The following GRID2 variants were observed in gnomAD, a reference collection of about 807,000 sequenced individuals.
The protein encoded by GRID2 is glutamate receptor ionotropic, delta-2.
GRID2 carries 33 observed loss-of-function variants against 114.8 expected under a neutral mutation model. That is an observed-to-expected ratio of 0.29 (90% CI 0.22 to 0.38). GRID2 has a LOEUF of 0.38. Among genes scored for constraint, GRID2 ranks in the 10% least tolerant of loss-of-function variants. The pLI is 1.00. For missense variants in GRID2, 1,184 were observed against 1,257.7 expected (o/e 0.94, Z 0.89); for synonymous variants, 505 against 449.9 (o/e 1.12, Z -1.55).
intron 13 of GRID2, among the ~76,000 whole-genome samples, chr4:93,617,855 A>G (rs1422618073): frequency 1.3e-5 from 2 of 152,210 alleles, no homozygotes; most frequent in African/African-American, 4.8e-5. Flanking sequence ...AGTTGCCAAC[A>G]TCAGCAGTCA....
At chr4:92,326,098 T>G (rs560756801) in intron 1 of GRID2, among the ~76,000 whole-genome samples, 1 of 151,924 alleles carries the variant, frequency 6.6e-6, no homozygotes, top group South Asian at 2.1e-4. Context: ...CTCCTGGCAG[T>G]TTTACATACT....
At chr4:93,139,685 G>A (rs1260461282) in intron 4 of GRID2, among the ~76,000 whole-genome samples, 1 of 151,466 alleles carries the variant, frequency 6.6e-6, no homozygotes, top group Non-Finnish European at 1.5e-5. Flanking sequence ...ACTTAAATCA[G>A]CATCAAATAT....
intron 10 of GRID2, among the ~76,000 whole-genome samples, chr4:93,434,154 A>C (rs1423758616): frequency 6.6e-6 from 1 of 152,226 alleles, no homozygotes; most frequent in Non-Finnish European, 1.5e-5. Flanking sequence ...AAAAACAAAT[A>C]GATCTTGTTG....
At chr4:92,314,043 T>C (rs368061136) in intron 1 of GRID2, among the ~76,000 whole-genome samples, 1 of 152,148 alleles carries the variant, frequency 6.6e-6, no homozygotes, top group East Asian at 1.9e-4. Context: ...TTTCAACTTA[T>C]ATAATTCCTG....
At chr4:92,725,117 A>G (rs1238870521) in intron 2 of GRID2, among the ~76,000 whole-genome samples, 1 of 152,114 alleles carries the variant, frequency 6.6e-6, no homozygotes, top group Non-Finnish European at 1.5e-5. Flanking sequence ...TCTGGGCAAC[A>G]TGGCGAAACC....
intron 14 of GRID2, among the ~76,000 whole-genome samples, chr4:93,739,062 T>A (rs1578704103): frequency 6.6e-6 from 1 of 151,548 alleles, no homozygotes. Context: ...TGAATCTGGG[T>A]CAGTCAGGAG....
At chr4:92,328,399 A>G (rs1726704195) in intron 1 of GRID2, among the ~76,000 whole-genome samples, 1 of 152,092 alleles carries the variant, frequency 6.6e-6, no homozygotes, top group African/African-American at 2.4e-5. Flanking sequence ...ATAAACATTC[A>G]GAAGTAATCA....
intron 2 of GRID2, among the ~76,000 whole-genome samples, chr4:92,634,271 C>A (rs1705989082): frequency 6.6e-6 from 1 of 152,100 alleles, no homozygotes; most frequent in Non-Finnish European, 1.5e-5. Context: ...TTATTCTCTA[C>A]AAATTTAAAA....
intron 14 of GRID2, among the ~76,000 whole-genome samples, chr4:93,667,668 C>T (rs1408505798): frequency 6.6e-6 from 1 of 151,960 alleles, no homozygotes. Context: ...GAAAGTAGCA[C>T]TCTTTACCAA....
intron 2 of GRID2, among the ~76,000 whole-genome samples, chr4:92,910,782 T>A (rs1462249513): frequency 6.6e-6 from 1 of 152,134 alleles, no homozygotes; most frequent in African/African-American, 2.4e-5. Flanking sequence ...ATACTTTAAA[T>A]CATCTCTAGC....
At chr4:92,822,235 A>G (rs1024896012) in intron 2 of GRID2, 12 of 538,120 alleles carry the variant, frequency 2.2e-5, no homozygotes, top group African/African-American at 1.9e-4. Context: ...TTCCCACCAC[A>G]TAGCATATCA....
At chr4:93,531,747 A>G (rs1195052735) in intron 13 of GRID2, among the ~76,000 whole-genome samples, 1 of 152,146 alleles carries the variant, frequency 6.6e-6, no homozygotes, top group Non-Finnish European at 1.5e-5. Flanking sequence ...CATTACTACA[A>G]TATATATACA....
chr4:92,352,533 A>T (rs1000430481), intron 1 of GRID2, among the ~76,000 whole-genome samples: 1 of 151,810 alleles, frequency 6.6e-6, no homozygotes. Flanking sequence ...TAATCCCATC[A>T]GTCAATTTTT....
At chr4:93,787,790 C>T (rs1578795442) in intron 1 of GRID2, among the ~76,000 whole-genome samples, 3 of 152,106 alleles carry the variant, frequency 2.0e-5, no homozygotes, top group Admixed American at 6.5e-5. Flanking sequence ...CATTATGGTG[C>T]GGTCAAGTTC....
At chr4:93,703,176 T>C (rs923904430) in intron 14 of GRID2, among the ~76,000 whole-genome samples, 2 of 152,170 alleles carry the variant, frequency 1.3e-5, no homozygotes, top group Non-Finnish European at 2.9e-5. Flanking sequence ...GTTGTCCCTA[T>C]TGTAAATTGC....
chr4:93,386,587 G>C (rs1284728807), intron 8 of GRID2, among the ~76,000 whole-genome samples: 1 of 152,094 alleles, frequency 6.6e-6, no homozygotes, highest in Non-Finnish European at 1.5e-5. Context: ...AGTCCAGAAA[G>C]AAAGTGCCAG....
chr4:93,789,178 G>A (rs539295195), intron 1 of GRID2, among the ~76,000 whole-genome samples: 71 of 152,106 alleles, frequency 4.7e-4, no homozygotes, highest in Non-Finnish European at 9.0e-4. Context: ...GTGATATTAT[G>A]TGTTTTATAA....
chr4:93,351,076 A>C (rs552863077), intron 8 of GRID2, among the ~76,000 whole-genome samples: 1 of 152,120 alleles, frequency 6.6e-6, no homozygotes, highest in South Asian at 2.1e-4. Flanking sequence ...TATGAGATAA[A>C]CTGCCCTCAT....
At chr4:92,709,483 A>T (rs1735116856) in intron 2 of GRID2, among the ~76,000 whole-genome samples, 3 of 150,304 alleles carry the variant, frequency 2.0e-5, no homozygotes, top group African/African-American at 7.3e-5. Flanking sequence ...CAAAGTGGAG[A>T]GTTAAGAGAA....
Sources: gnomAD v4.1 joint callset for allele counts (sites outside exome capture counted in the v4.1 genomes callset) on GRCh38, gnomAD v4.1.1 for gene constraint, MANE v1.5 for transcripts, NCBI Gene and HGNC (gene_info 2026-07-23, HGNC 2026-07-21) for gene names.